The following NRF1 variants were observed in gnomAD, a reference collection of about 807,000 sequenced individuals.
The protein encoded by NRF1 is alpha palindromic-binding protein.
In NRF1, 5 loss-of-function variants were observed where a neutral mutation model predicts 58.5. That is an observed-to-expected ratio of 0.09 (90% CI 0.04 to 0.18). The LOEUF (loss-of-function observed/expected upper bound fraction) is 0.18, where lower values mean the gene tolerates loss of function less well. Ranked by LOEUF, NRF1 falls within the 10% of genes least tolerant of loss-of-function variation. The pLI, the probability that NRF1 is intolerant of heterozygous loss-of-function variation, is 1.00. For synonymous variants in NRF1, 224 were observed against 246.7 expected (o/e 0.91, Z 0.86); for missense variants, 288 against 657.7 (o/e 0.44, Z 6.15).
At chr7:129,682,089 T>C (rs1024702433) in intron 4 of NRF1, among the ~76,000 whole-genome samples, 3 of 11,722 alleles carry the variant, frequency 2.6e-4, no homozygotes, top group Non-Finnish European at 1.5e-3. Context: ...CTCAATCAGT[T>C]AGTCAGTCAA....
intron 1 of NRF1, among the ~76,000 whole-genome samples, chr7:129,629,202 C>G (rs1197971311): frequency 6.6e-6 from 1 of 151,640 alleles, no homozygotes; most frequent in Non-Finnish European, 1.5e-5. Context: ...GTCAGCCACT[C>G]TTTGGAGTAA....
intron 1 of NRF1, among the ~76,000 whole-genome samples, chr7:129,636,198 G>T (rs1801165068): frequency 6.7e-6 from 1 of 150,330 alleles, no homozygotes; most frequent in Non-Finnish European, 1.5e-5. Flanking sequence ...GATGACACAA[G>T]TCTCCATCAT....
intron 9 of NRF1, among the ~76,000 whole-genome samples, chr7:129,726,002 G>T (rs1171807470): frequency 1.3e-5 from 2 of 152,154 alleles, no homozygotes; most frequent in Non-Finnish European, 2.9e-5. Flanking sequence ...TTTGCCCACA[G>T]TCCTAACATG....
At chr7:129,656,279 G>A (rs4612263) in intron 1 of NRF1, among the ~76,000 whole-genome samples, 65,841 of 151,928 alleles carry the variant, frequency 0.43, 16,995 homozygotes, top group Non-Finnish European at 0.58. Flanking sequence ...AAAGTATTAT[G>A]CAGCTGTTTA....
Position 129,689,667 on chromosome 7 carries a change from G to T in NRF1, c.466-739G>T, listed in dbSNP as rs149940654. Among the ~76,000 whole-genome samples, 6 of 152,316 alleles carry T rather than the reference G, an allele frequency of 3.9e-5. No homozygotes were observed. In the East Asian group the frequency reaches 1.2e-3, roughly 29 times the overall value. Reference sequence around the variant, plus strand: ...GTGTGTTACTGTTAAGTTGAGACATGTAACTGGCAGTAGTGGGAATGCAGA... The same window carrying T: ...GTGTGTTACTGTTAAGTTGAGACATTTAACTGGCAGTAGTGGGAATGCAGA... On this transcript the variant is annotated intron_variant, in intron 4 of 10. Coordinates refer to ENST00000393232, the MANE Select transcript of NRF1 (RefSeq NM_005011.5).
At chr7:129,738,177 G>T (rs1803763857) in intron 10 of NRF1, among the ~76,000 whole-genome samples, 1 of 152,266 alleles carries the variant, frequency 6.6e-6, no homozygotes, top group Non-Finnish European at 1.5e-5. Flanking sequence ...TATTACAACT[G>T]TTTCTCCTTT....
chr7:129,652,599 A>T (rs1449302586), intron 1 of NRF1, among the ~76,000 whole-genome samples: 1 of 151,780 alleles, frequency 6.6e-6, no homozygotes, highest in African/African-American at 2.4e-5. Flanking sequence ...ATTTATTTTT[A>T]TTTATTTATT....
intron 2 of NRF1, 128 bp downstream of exon 2, chr7:129,657,702 C>T (rs779911347): frequency 7.7e-5 from 49 of 634,768 alleles, no homozygotes; most frequent in Non-Finnish European, 9.6e-5. Context: ...CTTGATCTTC[C>T]GGGTTCAAGT....
intron 10 of NRF1, among the ~76,000 whole-genome samples, chr7:129,754,464 T>TAAAAAAAAAA (rs57595268): frequency 0.025 from 1,289 of 51,064 alleles, 103 homozygotes; most frequent in East Asian, 0.12. Context: ...CCCTGTCTCT[T>TAAAAAAAAAA]AAAAAAAAAA....
At position 129,756,601 on chromosome 7, in the gene NRF1, A is replaced by C. The variant is rs1804264063; in HGVS notation, c.*1420A>C. On this transcript the variant is annotated 3_prime_UTR_variant, in exon 11 of 11. Coordinates refer to ENST00000393232, the MANE Select transcript of NRF1 (RefSeq NM_005011.5). ...ATTCACCTGACTTTTCAACAGGCCA[A>C]ATCTCTGAACCTTGAGTACAGGGAC... is the stretch of plus-strand genomic sequence containing the variant. 1 of 152,560 alleles carries C rather than the reference A, an allele frequency of 6.6e-6. No individual in the cohort carries two copies. Among genetic ancestry groups the C allele is most frequent in the South Asian group, 2.1e-4 (1 of 4,806 alleles). The allele number at this position is 152,560 out of a possible 1,614,324, so 9.5% of individuals were successfully genotyped here.
At chr7:129,731,622 G>C (rs890433557) in intron 10 of NRF1, among the ~76,000 whole-genome samples, 2 of 150,822 alleles carry the variant, frequency 1.3e-5, no homozygotes, top group Non-Finnish European at 2.9e-5. Context: ...TTGTTTGTTT[G>C]TTTGTTTGTT....
intron 5 of NRF1, among the ~76,000 whole-genome samples, chr7:129,695,243 C>T (rs910021520): frequency 1.3e-5 from 2 of 151,652 alleles, no homozygotes; most frequent in African/African-American, 2.4e-5. Context: ...TAAAACATGC[C>T]CACCTCTGTG....
intron 9 of NRF1, among the ~76,000 whole-genome samples, chr7:129,723,425 A>G (rs1026987784): frequency 2.0e-5 from 3 of 151,910 alleles, no homozygotes; most frequent in African/African-American, 7.3e-5. Context: ...CCTGGGCAAC[A>G]AGAGCGAAAC....
At chr7:129,696,661 T>C (rs1177507607) in intron 5 of NRF1, among the ~76,000 whole-genome samples, 1 of 152,222 alleles carries the variant, frequency 6.6e-6, no homozygotes, top group Non-Finnish European at 1.5e-5. Context: ...ACCAGACAAC[T>C]CTATTAATCA....
chr7:129,754,868 G>A, intron 10 of NRF1, 150 bp from the exon 11 acceptor site: 1 of 615,408 alleles, frequency 1.6e-6, no homozygotes, highest in South Asian at 3.6e-5. Flanking sequence ...GGGTGGGAAA[G>A]AGATGTCTTT....
intron 1 of NRF1, among the ~76,000 whole-genome samples, chr7:129,627,484 G>C (rs1275952502): frequency 1.3e-5 from 2 of 152,112 alleles, no homozygotes; most frequent in African/African-American, 4.8e-5. Context: ...TGGGATTACA[G>C]GCATGAACCA....
chr7:129,657,470 C>G lies in NRF1; in HGVS notation c.119C>G (p.Ala40Gly), dbSNP rs1801684397. Residue 40 changes from alanine to glycine, a missense_variant, in exon 2 of 11, where the codon GCT (alanine) becomes GGT (glycine). Around this residue, in one of 3 missense-constraint regions of NRF1, gnomAD observed 48 missense variants for 65.5 expected, o/e 0.73. Coordinates refer to ENST00000393232, the MANE Select transcript of NRF1 (RefSeq NM_005011.5). ...ATYTEHSMLS[A>G]DEDSPSSPED... Reference sequence around the variant, plus strand: ...TACACCGAGCATAGTATGCTGAGTGCTGATGAAGACTCGCCTTCTTCTCCC... The same window carrying G: ...TACACCGAGCATAGTATGCTGAGTGGTGATGAAGACTCGCCTTCTTCTCCC... 1 of 1,614,042 alleles carries G rather than the reference C, an allele frequency of 6.2e-7. No homozygotes were observed. The highest frequency in any genetic ancestry group is 8.5e-7 in the Non-Finnish European group (1 of 1,179,962).
intron 2 of NRF1, among the ~76,000 whole-genome samples, chr7:129,668,305 T>C (rs1801967657): frequency 6.6e-6 from 1 of 152,228 alleles, no homozygotes; most frequent in South Asian, 2.1e-4. Flanking sequence ...TATGCTCTTA[T>C]TTATTTATCT....
chr7:129,709,538 C>T (rs1044323294), intron 6 of NRF1, among the ~76,000 whole-genome samples: 3 of 152,026 alleles, frequency 2.0e-5, no homozygotes, highest in Non-Finnish European at 4.4e-5. Context: ...GTATTAATCA[C>T]TTTGAACACT....
Sources: gnomAD v4.1 joint callset for allele counts (sites outside exome capture counted in the v4.1 genomes callset) on GRCh38, gnomAD v4.1.1 for gene constraint, gnomAD v4.1.1 regional missense constraint, MANE v1.5 for transcripts, NCBI Gene and HGNC (gene_info 2026-07-23, HGNC 2026-07-21) for gene names.